CADPS: variants seen among roughly 807,000 people sequenced by gnomAD.
CADPS encodes calcium dependent secretion activator, also known as calcium-dependent secretion activator 1.
Under a neutral mutation model 167.3 loss-of-function variants are expected in CADPS, and 57 were observed. That is an observed-to-expected ratio of 0.34 (90% CI 0.28 to 0.42). CADPS has a LOEUF of 0.42. Ranked by LOEUF, CADPS falls within the 20% of genes least tolerant of loss-of-function variation. The pLI is 1.00. For missense variants in CADPS, 1,414 were observed against 1,738.1 expected (o/e 0.81, Z 3.32); for synonymous variants, 676 against 635.3 (o/e 1.06, Z -0.96).
At chr3:62,641,263 G>A (rs1415648629) in intron 6 of CADPS, among the ~76,000 whole-genome samples, 1 of 152,128 alleles carries the variant, frequency 6.6e-6, no homozygotes, top group Admixed American at 6.5e-5. Context: ...GACCTGTGGA[G>A]GTGTTAATGA....
In CADPS at chr3:62,753,341, G is replaced by A. The variant is rs1459998876; in HGVS notation, c.888+100C>T. 8.0e-6 allele frequency: 7 copies of A among 873,304 alleles called. No homozygotes were observed. Among genetic ancestry groups the A allele is most frequent in the South Asian group, 1.7e-5 (1 of 58,236 alleles). The allele number at this position is 873,304 out of a possible 1,614,324, so 54.1% of individuals were successfully genotyped here. ...TTACCAGTAGAGTAATAAAATATAA[G>A]TTTTAATCCTTTTTTTAAAAAAATC... On this transcript the variant is annotated intron_variant, in intron 3 of 29. Coordinates refer to ENST00000383710, the MANE Select transcript of CADPS (RefSeq NM_003716.4). This position sits in a 1 kb window ranked among gnomAD's most constrained non-coding sequence, Gnocchi z 4.6.
Position 62,753,314 on chromosome 3 carries a change from T to C in CADPS, c.888+127A>G. ...ACTCCAGCCTAAACTGTATTCAACTTTTTACCAGTAGAGTAATAAAATATA... is the reference window on the plus strand; with the variant it reads ...ACTCCAGCCTAAACTGTATTCAACTCTTTACCAGTAGAGTAATAAAATATA... On this transcript the variant is annotated intron_variant, in intron 3 of 29. Coordinates refer to ENST00000383710, the MANE Select transcript of CADPS (RefSeq NM_003716.4). The surrounding 1 kb of genome is among the most constrained non-coding windows in gnomAD (Gnocchi z 4.6). 1.5e-6 allele frequency: 1 copy of C among 684,838 alleles called. No individual in the cohort carries two copies. The allele number at this position is 684,838 out of a possible 1,614,324, so 42.4% of individuals were successfully genotyped here.
intron 13 of CADPS, among the ~76,000 whole-genome samples, chr3:62,524,871 C>T (rs1044425123): frequency 1.3e-5 from 2 of 152,092 alleles, no homozygotes; most frequent in Admixed American, 6.6e-5. Context: ...TAAAAATTGG[C>T]ACTGCATAGA....
At chr3:62,780,864 T>A (rs1184841812) in intron 1 of CADPS, among the ~76,000 whole-genome samples, 2 of 152,194 alleles carry the variant, frequency 1.3e-5, no homozygotes, top group Admixed American at 1.3e-4. Flanking sequence ...CATTAGATAT[T>A]TATATGAGTC....
intron 26 of CADPS, among the ~76,000 whole-genome samples, chr3:62,447,984 G>A (rs1412417270): frequency 6.6e-6 from 1 of 151,812 alleles, no homozygotes. Context: ...AAGCCACCCT[G>A]CAAAAAGGGG....
intron 5 of CADPS, among the ~76,000 whole-genome samples, chr3:62,646,060 A>G (rs2068495303): frequency 1.3e-5 from 2 of 152,182 alleles, no homozygotes; most frequent in Non-Finnish European, 2.9e-5. Context: ...AAGGCTCACC[A>G]ATTCAAATGC....
At chr3:62,492,258 A>G (rs9834224) in intron 20 of CADPS, 32 bp downstream of exon 20, 115,001 of 1,598,114 alleles carry the variant, frequency 0.072, 4,939 homozygotes, top group Admixed American at 0.18. Context: ...CACACTACTT[A>G]GGAAAGTCAA....
At chr3:62,839,072 C>T (rs2076282458) in intron 1 of CADPS, among the ~76,000 whole-genome samples, 1 of 152,108 alleles carries the variant, frequency 6.6e-6, no homozygotes, top group South Asian at 2.1e-4. Flanking sequence ...CAGATTTATT[C>T]AGAGGATTAT....
chr3:62,769,786 GTCC>G (rs1180930349), intron 1 of CADPS, among the ~76,000 whole-genome samples: 1 of 152,080 alleles, frequency 6.6e-6, no homozygotes, highest in Admixed American at 6.6e-5. Flanking sequence ...CAGGCTTGGG[GTCC>G]AAGAGACACA....
At chr3:62,718,551 A>G (rs1188052098) in intron 3 of CADPS, among the ~76,000 whole-genome samples, 5 of 152,322 alleles carry the variant, frequency 3.3e-5, no homozygotes, top group Non-Finnish European at 5.9e-5. Context: ...GGAGAATCCT[A>G]GATGTTTCCT....
Position 62,475,104 on chromosome 3 carries a change from T to C in CADPS, c.3330-784A>G, listed in dbSNP as rs966580385. Among the ~76,000 whole-genome samples, 3 of 152,176 alleles carry C rather than the reference T, an allele frequency of 2.0e-5. No individual in the cohort carries two copies. In the East Asian group the frequency reaches 5.8e-4, roughly 29 times the overall value. ...TAATATACATATACAAATTCAAGAA[T>C]TGTGTGATGGTGGAATCTGAAAGTA... On this transcript the variant is annotated intron_variant, in intron 23 of 29. Coordinates refer to ENST00000383710, the MANE Select transcript of CADPS (RefSeq NM_003716.4).
chr3:62,769,833 G>C (rs148815033), intron 1 of CADPS, among the ~76,000 whole-genome samples: 2 of 152,070 alleles, frequency 1.3e-5, no homozygotes, highest in Non-Finnish European at 2.9e-5. Flanking sequence ...TCACTTCCAG[G>C]CTGCATGACC....
At chr3:62,860,642 G>A (rs2080611849) in intron 1 of CADPS, among the ~76,000 whole-genome samples, 1 of 152,096 alleles carries the variant, frequency 6.6e-6, no homozygotes, top group East Asian at 1.9e-4. Context: ...TCAAAGACTG[G>A]GCTGGAGCCT....
At chr3:62,848,219 T>A (rs2077857788) in intron 1 of CADPS, among the ~76,000 whole-genome samples, 1 of 139,926 alleles carries the variant, frequency 7.1e-6, no homozygotes, top group South Asian at 2.3e-4. Context: ...TTTTCTCCCA[T>A]GTTGTAGGTT....
At chr3:62,644,139 C>A (rs1436388695) in intron 6 of CADPS, among the ~76,000 whole-genome samples, 1 of 152,186 alleles carries the variant, frequency 6.6e-6, no homozygotes, top group Non-Finnish European at 1.5e-5. Context: ...ACATTCCGTG[C>A]TTTCTTTGAA....
chr3:62,808,419 A>T (rs903525213), intron 1 of CADPS, among the ~76,000 whole-genome samples: 2 of 152,196 alleles, frequency 1.3e-5, no homozygotes, highest in South Asian at 4.1e-4. Flanking sequence ...CCTATTCTTA[A>T]AGTCTTCAGG....
At chr3:62,731,101 TA>T (rs2077691794) in intron 3 of CADPS, among the ~76,000 whole-genome samples, 1 of 152,200 alleles carries the variant, frequency 6.6e-6, no homozygotes, top group African/African-American at 2.4e-5. Flanking sequence ...GAGTGGGTGT[TA>T]AATACAGTGC....
At chr3:62,797,468 T>C (rs1376689470) in intron 1 of CADPS, among the ~76,000 whole-genome samples, 2 of 152,168 alleles carry the variant, frequency 1.3e-5, no homozygotes, top group Non-Finnish European at 2.9e-5. Flanking sequence ...AGATAGATAT[T>C]TCCAGAAAGG....
At chr3:62,519,276 C>T in intron 13 of CADPS, among the ~76,000 whole-genome samples, 1 of 152,120 alleles carries the variant, frequency 6.6e-6, no homozygotes, top group South Asian at 2.1e-4. Flanking sequence ...CATCTTGAGA[C>T]CAAACAAATG....
Sources: allele counts gnomAD v4.1 joint callset (sites outside exome capture counted in the v4.1 genomes callset), GRCh38; gene constraint gnomAD v4.1.1; non-coding constraint Gnocchi (gnomAD v3.1); transcripts MANE v1.5; gene names NCBI Gene and HGNC (gene_info 2026-07-23, HGNC 2026-07-21).